Variants in DAB1 observed in about 807,000 individuals in gnomAD.
DAB1 encodes DAB adaptor protein 1.
In DAB1, 15 loss-of-function variants were observed where a neutral mutation model predicts 64.6. The ratio of observed to expected loss-of-function variants is 0.23; its 90% CI spans 0.16 to 0.36. The LOEUF is 0.36. Ranked by LOEUF, DAB1 falls within the 10% of genes least tolerant of loss-of-function variation. The pLI is 1.00. For synonymous variants in DAB1, 235 were observed against 251.9 expected, an observed-to-expected ratio of 0.93 and a Z score of 0.64; for missense variants, 596 against 706.7, an observed-to-expected ratio of 0.84 and a Z score of 1.78.
At chr1:58,224,832 A>C (rs894842108) in intron 4 of DAB1, among the ~76,000 whole-genome samples, 2 of 152,268 alleles carry the variant, frequency 1.3e-5, no homozygotes, top group African/African-American at 4.8e-5. Context: ...AAAGACTTAA[A>C]TGTTAGACCT....
chr1:57,399,585 C>T (rs1683076909), intron 1 of DAB1, among the ~76,000 whole-genome samples: 1 of 152,154 alleles, frequency 6.6e-6, no homozygotes, highest in Non-Finnish European at 1.5e-5. Flanking sequence ...CTCTCATCAG[C>T]TCACTGGTCT....
chr1:57,833,954 A>C lies in DAB1; in HGVS notation n.88-7499T>G, dbSNP rs577736647. 6.6e-5 allele frequency among the ~76,000 whole-genome samples: 10 copies of C among 152,358 alleles called. No homozygotes were observed. In the East Asian group the frequency reaches 1.9e-3, roughly 29 times the overall value. On this transcript the variant is annotated intron_variant and non_coding_transcript_variant, in intron 1 of 1. Coordinates refer to the DAB1 transcript ENST00000477280. Reference sequence around the variant, plus strand: ...AATTACATTTCATTACATTTTGCCCAAACAGCATAGCAATATCTGTGTACA... The same window carrying C: ...AATTACATTTCATTACATTTTGCCCCAACAGCATAGCAATATCTGTGTACA...
chr1:58,001,896 T>C (rs1270561870), intron 5 of DAB1, among the ~76,000 whole-genome samples: 3 of 152,168 alleles, frequency 2.0e-5, no homozygotes, highest in African/African-American at 7.2e-5. Flanking sequence ...GCAGTCTCTT[T>C]ATAAAAGGCA....
chr1:57,239,545 C>T (rs1476788764), intron 2 of DAB1, among the ~76,000 whole-genome samples: 1 of 152,146 alleles, frequency 6.6e-6, no homozygotes, highest in Non-Finnish European at 1.5e-5. Context: ...GCCTATCTTC[C>T]AGACCTATAG....
At chr1:58,107,322 G>T (rs1234633410) in intron 5 of DAB1, among the ~76,000 whole-genome samples, 2 of 141,786 alleles carry the variant, frequency 1.4e-5, no homozygotes, top group African/African-American at 2.6e-5. Flanking sequence ...AAAAAAAAAA[G>T]TAGCTGGGCG....
chr1:57,063,010 C>T, intron 8 of DAB1, 67 bp from the exon 9 acceptor site: 4 of 1,433,670 alleles, frequency 2.8e-6, no homozygotes, highest in Non-Finnish European at 3.9e-6. Flanking sequence ...AACAAAGCAA[C>T]CAGACTTCAA....
At chr1:58,319,356 G>T (rs1037786736) in intron 4 of DAB1, among the ~76,000 whole-genome samples, 4 of 152,050 alleles carry the variant, frequency 2.6e-5, no homozygotes, top group African/African-American at 9.7e-5. Context: ...TTTGCATTTG[G>T]ATGCTTTCAC....
intron 2 of DAB1, among the ~76,000 whole-genome samples, chr1:57,156,013 A>G (rs753314670): frequency 2.6e-5 from 4 of 152,026 alleles, no homozygotes; most frequent in Non-Finnish European, 4.4e-5. Context: ...CTAAGAATCA[A>G]CCATTTTGAA....
intron 2 of DAB1, among the ~76,000 whole-genome samples, chr1:57,223,116 T>C (rs1667004963): frequency 6.6e-6 from 1 of 152,126 alleles, no homozygotes; most frequent in African/African-American, 2.4e-5. Context: ...CTTTCATAAC[T>C]TCCTTTTGCC....
At chr1:57,677,498 T>C (rs151298387) in intron 6 of DAB1, among the ~76,000 whole-genome samples, 40 of 152,152 alleles carry the variant, frequency 2.6e-4, no homozygotes, top group Non-Finnish European at 4.7e-4. Context: ...TTCCTCCCTA[T>C]ATTTCTGCAT....
chr1:57,713,088 C>T (rs1375376856), intron 6 of DAB1, among the ~76,000 whole-genome samples: 1 of 152,198 alleles, frequency 6.6e-6, no homozygotes, highest in Non-Finnish European at 1.5e-5. Flanking sequence ...GTTTCCATCA[C>T]TGGTACACTC....
At chr1:57,057,161 G>A (rs933815757) in intron 9 of DAB1, among the ~76,000 whole-genome samples, 1 of 152,044 alleles carries the variant, frequency 6.6e-6, no homozygotes, top group African/African-American at 2.4e-5. Flanking sequence ...CTGGAACGAT[G>A]AATCTCCCCA....
intron 5 of DAB1, among the ~76,000 whole-genome samples, chr1:58,118,501 T>TACACACACAC (rs1192664324): frequency 1.3e-4 from 8 of 63,290 alleles, no homozygotes; most frequent in African/African-American, 2.7e-4. Context: ...TATATATATA[T>TACACACACAC]ATACACACAC....
At chr1:57,206,760 T>C (rs1014079190) in intron 2 of DAB1, among the ~76,000 whole-genome samples, 2 of 152,058 alleles carry the variant, frequency 1.3e-5, no homozygotes, top group Non-Finnish European at 2.9e-5. Context: ...CAAGAGGCAA[T>C]ATGTAGAAAC....
chr1:57,930,851 T>C (rs1006910682), intron 5 of DAB1, among the ~76,000 whole-genome samples: 2 of 152,184 alleles, frequency 1.3e-5, no homozygotes, highest in African/African-American at 4.8e-5. Flanking sequence ...CCTTTTGTTC[T>C]TTCTTTTCTT....
At chr1:58,153,416 T>A (rs532801660) in intron 4 of DAB1, among the ~76,000 whole-genome samples, 2 of 152,324 alleles carry the variant, frequency 1.3e-5, no homozygotes, top group South Asian at 4.1e-4. Context: ...TTTTCTTTCT[T>A]TTAAGAATTA....
chr1:57,838,520 T>C (rs1003189577), intron 1 of DAB1, among the ~76,000 whole-genome samples: 4 of 152,136 alleles, frequency 2.6e-5, no homozygotes, highest in Admixed American at 2.6e-4. Flanking sequence ...TTCCAAAGTG[T>C]TGCAAAGAAA....
intron 3 of DAB1, among the ~76,000 whole-genome samples, chr1:58,413,045 T>C (rs1352038432): frequency 1.3e-5 from 2 of 152,220 alleles, no homozygotes; most frequent in African/African-American, 4.8e-5. Flanking sequence ...TAATGATCTA[T>C]TCGGCAAGCT....
intron 4 of DAB1, among the ~76,000 whole-genome samples, chr1:58,270,338 T>C (rs1014315549): frequency 4.0e-5 from 6 of 148,450 alleles, no homozygotes; most frequent in African/African-American, 1.5e-4. Flanking sequence ...GTTGTAGATA[T>C]GCGGCGTTAT....
Sources: allele counts gnomAD v4.1 joint callset (sites outside exome capture counted in the v4.1 genomes callset), GRCh38; gene constraint gnomAD v4.1.1; transcripts MANE v1.5; gene names NCBI Gene and HGNC (gene_info 2026-07-23, HGNC 2026-07-21).